MAF: variants seen among roughly 807,000 people sequenced by gnomAD.
MAF encodes the protein MAF bZIP transcription factor.
A neutral mutation model predicts 22.0 loss-of-function variants in MAF; 10 were observed. The ratio of observed to expected loss-of-function variants is 0.45; its 90% CI spans 0.28 to 0.77. The LOEUF is 0.77. Ranked by LOEUF, MAF falls within the 30% of genes least tolerant of loss-of-function variation. The probability of loss-of-function intolerance (pLI) is 0.12; values close to 1 mark genes in which losing one functional copy is unlikely to be tolerated. For synonymous variants in MAF, 337 were observed against 255.8 expected (o/e 1.32, Z -3.03); for missense variants, 544 against 548.4 (o/e 0.99, Z 0.08).
At chr16:79,436,850 G>C in the MAF span, among the ~76,000 whole-genome samples, 4 of 152,200 alleles carry the variant, frequency 2.6e-5, no homozygotes, top group African/African-American at 9.7e-5. Flanking sequence ...CATCTGGAGA[G>C]TCTGCACACA....
chr16:79,538,825 C>T, the MAF span, among the ~76,000 whole-genome samples: 1 of 123,700 alleles, frequency 8.1e-6, no homozygotes, highest in Non-Finnish European at 1.6e-5. Context: ...GACTCTGTCT[C>T]GAAAGAAAGA....
At chr16:79,407,089 C>G in the MAF span, among the ~76,000 whole-genome samples, 1 of 152,212 alleles carries the variant, frequency 6.6e-6, no homozygotes, top group Admixed American at 6.5e-5. Flanking sequence ...AGGTTGGCAC[C>G]AGGGAGGGTG....
chr16:79,440,249 G>T, the MAF span, among the ~76,000 whole-genome samples: 1 of 152,172 alleles, frequency 6.6e-6, no homozygotes, highest in Non-Finnish European at 1.5e-5. Flanking sequence ...TTGGGCCCCA[G>T]CACATGCTGC....
the MAF span, among the ~76,000 whole-genome samples, chr16:79,300,534 A>G: frequency 8.6e-5 from 13 of 150,918 alleles, no homozygotes; most frequent in Admixed American, 7.2e-4. Context: ...CAGCCTGGTG[A>G]CAGAGCAAGA....
At chr16:79,490,576 T>A in the MAF span, among the ~76,000 whole-genome samples, 1 of 151,886 alleles carries the variant, frequency 6.6e-6, no homozygotes, top group Non-Finnish European at 1.5e-5. Context: ...AGATATATGG[T>A]TAAATGAATA....
At chr16:79,414,107 C>G in the MAF span, among the ~76,000 whole-genome samples, 2 of 152,194 alleles carry the variant, frequency 1.3e-5, no homozygotes, top group African/African-American at 2.4e-5. Context: ...ATACCTCATA[C>G]ATTCTCTTAC....
the MAF span, among the ~76,000 whole-genome samples, chr16:79,320,824 G>A: frequency 1.3e-5 from 2 of 152,298 alleles, no homozygotes; most frequent in East Asian, 3.9e-4. Flanking sequence ...TGTGTTAAGT[G>A]TTTTATATAT....
the MAF span, among the ~76,000 whole-genome samples, chr16:79,283,665 C>T: frequency 4.6e-5 from 7 of 152,162 alleles, no homozygotes; most frequent in East Asian, 1.9e-4. Context: ...ATGGTAGTGT[C>T]GCCATAACCA....
the MAF span, among the ~76,000 whole-genome samples, chr16:79,323,941 A>G: frequency 2.0e-5 from 3 of 152,210 alleles, no homozygotes; most frequent in South Asian, 4.1e-4. Context: ...TTTATTGAGT[A>G]CTTACTATAT....
At chr16:79,376,617 G>C in the MAF span, among the ~76,000 whole-genome samples, 39 of 152,036 alleles carry the variant, frequency 2.6e-4, no homozygotes, top group East Asian at 7.6e-3. Flanking sequence ...ATGTTGGTTT[G>C]CTGCACCCAT....
the MAF span, among the ~76,000 whole-genome samples, chr16:79,349,213 G>C: frequency 6.6e-6 from 1 of 152,226 alleles, no homozygotes; most frequent in South Asian, 2.1e-4. Context: ...GGGCAGCAGA[G>C]CTGGGACTCA....
At chr16:79,366,918 T>C in the MAF span, among the ~76,000 whole-genome samples, 6 of 152,342 alleles carry the variant, frequency 3.9e-5, 1 homozygote, top group African/African-American at 1.4e-4. Flanking sequence ...CAAAGACTAT[T>C]GAAAGTGTGT....
the MAF span, among the ~76,000 whole-genome samples, chr16:79,415,950 T>A: frequency 1.3e-5 from 2 of 152,094 alleles, no homozygotes; most frequent in Non-Finnish European, 2.9e-5. Context: ...TCCCTCCCTA[T>A]GAAAATCTGA....
chr16:79,387,617 A>G, the MAF span, among the ~76,000 whole-genome samples: 1 of 152,182 alleles, frequency 6.6e-6, no homozygotes, highest in Admixed American at 6.6e-5. Flanking sequence ...ACAAGGATGT[A>G]ATAATGGGTA....
the MAF span, among the ~76,000 whole-genome samples, chr16:79,474,605 T>C: frequency 1.3e-5 from 2 of 152,298 alleles, no homozygotes; most frequent in African/African-American, 2.4e-5. Context: ...TTAATATAAA[T>C]GGGTTCAAAT....
chr16:79,535,881 T>C, the MAF span, among the ~76,000 whole-genome samples: 1 of 152,172 alleles, frequency 6.6e-6, no homozygotes, highest in Non-Finnish European at 1.5e-5. Context: ...GCATTGCTAC[T>C]TTAGTTCAGC....
chr16:79,359,980 G>A, the MAF span, among the ~76,000 whole-genome samples: 1 of 152,140 alleles, frequency 6.6e-6, no homozygotes, highest in Non-Finnish European at 1.5e-5. Context: ...CTTGGCATGG[G>A]GAGTATTGTT....
the MAF span, among the ~76,000 whole-genome samples, chr16:79,434,088 G>C: frequency 6.6e-6 from 1 of 152,176 alleles, no homozygotes; most frequent in Admixed American, 6.5e-5. Flanking sequence ...AATAGGCTTT[G>C]ACATAAATGT....
the MAF span, chr16:79,204,655 G>GAC: frequency 2.0e-5 from 3 of 152,316 alleles, no homozygotes; most frequent in East Asian, 3.9e-4. Flanking sequence ...CACAGGCCCT[G>GAC]AGAGCGTACC....
Sources: allele counts gnomAD v4.1 joint callset (sites outside exome capture counted in the v4.1 genomes callset), GRCh38; gene constraint gnomAD v4.1.1; transcripts MANE v1.5; gene names NCBI Gene and HGNC (gene_info 2026-07-23, HGNC 2026-07-21).